MACROD2: variants seen among roughly 807,000 people sequenced by gnomAD.
The protein encoded by MACROD2 is ADP-ribose glycohydrolase MACROD2.
A neutral mutation model predicts 70.4 loss-of-function variants in MACROD2; 36 were observed. The observed-to-expected ratio is 0.51, with a 90% CI of 0.39 to 0.68. MACROD2 has a LOEUF of 0.68. MACROD2 is among the 30% of genes least tolerant of loss of function. MACROD2 has a pLI of 0.00. For missense variants in MACROD2, 496 were observed against 538.4 expected (o/e 0.92, Z 0.78); for synonymous variants, 172 against 178.8 (o/e 0.96, Z 0.30).
chr20:14,901,089 G>A, intron 5 of MACROD2, among the ~76,000 whole-genome samples: 1 of 152,118 alleles, frequency 6.6e-6, no homozygotes, highest in East Asian at 1.9e-4. Flanking sequence ...AACTTTAAAT[G>A]CCAAATGCAT....
chr20:15,770,355 A>G (rs6514612), intron 8 of MACROD2, among the ~76,000 whole-genome samples: 63,125 of 151,832 alleles, frequency 0.42, 13,258 homozygotes, highest in East Asian at 0.52. Context: ...GCAGACATAA[A>G]GATCGTTGAA....
intron 5 of MACROD2, among the ~76,000 whole-genome samples, chr20:15,071,884 G>A (rs1228802077): frequency 6.6e-6 from 1 of 151,964 alleles, no homozygotes; most frequent in Non-Finnish European, 1.5e-5. Flanking sequence ...ACATATTTTT[G>A]TATGCATTTG....
chr20:15,185,978 C>CCTAGGCTT (rs2076532216), intron 5 of MACROD2, among the ~76,000 whole-genome samples: 1 of 152,128 alleles, frequency 6.6e-6, no homozygotes, highest in South Asian at 2.1e-4. Flanking sequence ...AGGAATCAAA[C>CCTAGGCTT]TTGGAGCCAT....
intron 8 of MACROD2, among the ~76,000 whole-genome samples, chr20:15,657,197 A>G (rs984524497): frequency 3.3e-5 from 5 of 152,244 alleles, no homozygotes; most frequent in Admixed American, 6.5e-5. Context: ...GTAAAAATCA[A>G]TGACAGCCAG....
chr20:14,825,913 A>G (rs1289993653), intron 5 of MACROD2, among the ~76,000 whole-genome samples: 2 of 152,160 alleles, frequency 1.3e-5, no homozygotes, highest in African/African-American at 4.8e-5. Flanking sequence ...TTTCCTCTGA[A>G]TAGTTAATTG....
intron 3 of MACROD2, among the ~76,000 whole-genome samples, chr20:14,277,218 G>T (rs978364033): frequency 6.6e-6 from 1 of 152,114 alleles, no homozygotes; most frequent in Non-Finnish European, 1.5e-5. Context: ...GGGAGGCTGA[G>T]GGGGGCGGAT....
intron 5 of MACROD2, among the ~76,000 whole-genome samples, chr20:14,715,777 A>G (rs1449622707): frequency 6.6e-6 from 1 of 152,166 alleles, no homozygotes; most frequent in Admixed American, 6.5e-5. Flanking sequence ...GTAGTTTTTA[A>G]GTTAAACATC....
At chr20:15,951,346 CACACAA>C (rs1199314494) in intron 12 of MACROD2, among the ~76,000 whole-genome samples, 15 of 148,252 alleles carry the variant, frequency 1.0e-4, no homozygotes, top group African/African-American at 3.3e-4. Context: ...CACACACACA[CACACAA>C]AGAGAGAGAG....
rs570294082 is a variant in MACROD2 at position 16,052,634 on chromosome 20, C to A, written c.*2758C>A. 1 of 152,518 alleles carries A rather than the reference C, an allele frequency of 6.6e-6. No homozygotes were observed. Among genetic ancestry groups the A allele is most frequent in the Non-Finnish European group, 1.5e-5 (1 of 68,026 alleles). 9.4% of individuals were successfully genotyped at this position (152,518 alleles called of 1,614,324 possible). Reference sequence around the variant, plus strand: ...CATAAAAGATTACAAAGAAGGCATCCGAATCACTGTCTGTGATACTGGGTC... The same window carrying A: ...CATAAAAGATTACAAAGAAGGCATCAGAATCACTGTCTGTGATACTGGGTC... On this transcript the variant is annotated 3_prime_UTR_variant, in exon 18 of 18. Coordinates refer to ENST00000684519, the MANE Select transcript of MACROD2 (RefSeq NM_001351661.2).
intron 5 of MACROD2, among the ~76,000 whole-genome samples, chr20:15,211,107 C>T (rs1248982385): frequency 1.3e-5 from 2 of 152,152 alleles, no homozygotes; most frequent in African/African-American, 4.8e-5. Context: ...TTCATTCCCC[C>T]TTCCCCACTC....
At chr20:15,902,937 G>T (rs1233009056) in intron 10 of MACROD2, among the ~76,000 whole-genome samples, 1 of 152,036 alleles carries the variant, frequency 6.6e-6, no homozygotes, top group East Asian at 1.9e-4. Flanking sequence ...CTGTGTGTGT[G>T]GTGGGGGAAA....
chr20:15,871,186 A>AAAC (rs1296771809), intron 9 of MACROD2, among the ~76,000 whole-genome samples: 3 of 151,524 alleles, frequency 2.0e-5, no homozygotes, highest in African/African-American at 7.3e-5. Flanking sequence ...AAAAAAAAAA[A>AAAC]AAAAAAATTA....
At chr20:14,334,209 C>T (rs928880959) in intron 3 of MACROD2, among the ~76,000 whole-genome samples, 32 of 152,148 alleles carry the variant, frequency 2.1e-4, no homozygotes, top group African/African-American at 7.5e-4. Context: ...TTCTTTCTTA[C>T]ACAACATAAA....
At chr20:14,687,004 A>G (rs2071010371) in intron 5 of MACROD2, among the ~76,000 whole-genome samples, 1 of 152,148 alleles carries the variant, frequency 6.6e-6, no homozygotes, top group Non-Finnish European at 1.5e-5. Flanking sequence ...TCTGGGTATT[A>G]ACGGTGATTT....
intron 5 of MACROD2, among the ~76,000 whole-genome samples, chr20:15,141,597 A>G (rs1189423864): frequency 6.6e-6 from 1 of 152,110 alleles, no homozygotes; most frequent in Non-Finnish European, 1.5e-5. Context: ...TCACATTCAC[A>G]TGTTTAATTC....
chr20:14,246,897 T>G (rs2122253657), intron 3 of MACROD2, among the ~76,000 whole-genome samples: 1 of 152,272 alleles, frequency 6.6e-6, no homozygotes, highest in Non-Finnish European at 1.5e-5. Flanking sequence ...TTATCAAAAG[T>G]TAGGGGCCTC....
intron 6 of MACROD2, among the ~76,000 whole-genome samples, chr20:15,429,965 T>A (rs965656696): frequency 1.3e-5 from 2 of 152,028 alleles, no homozygotes; most frequent in Non-Finnish European, 2.9e-5. Flanking sequence ...ATTATTCTAC[T>A]CTCTATGTCC....
intron 8 of MACROD2, among the ~76,000 whole-genome samples, chr20:15,778,662 G>T (rs1351756416): frequency 2.0e-5 from 3 of 151,834 alleles, no homozygotes; most frequent in African/African-American, 7.3e-5. Flanking sequence ...AGGTACAGAG[G>T]TTATAAAATA....
intron 3 of MACROD2, among the ~76,000 whole-genome samples, chr20:14,275,832 C>A (rs1391431567): frequency 2.0e-5 from 3 of 152,100 alleles, no homozygotes; most frequent in African/African-American, 7.2e-5. Flanking sequence ...TGAACAGACA[C>A]TTCTCAAAAG....
Sources: gnomAD v4.1 joint callset for allele counts (sites outside exome capture counted in the v4.1 genomes callset) on GRCh38, gnomAD v4.1.1 for gene constraint, MANE v1.5 for transcripts, NCBI Gene and HGNC (gene_info 2026-07-23, HGNC 2026-07-21) for gene names.